NBEA: variants seen among roughly 807,000 people sequenced by gnomAD.
NBEA encodes the protein neurobeachin.
A neutral mutation model predicts 343.4 loss-of-function variants in NBEA; 44 were observed. The ratio of observed to expected loss-of-function variants is 0.13; its 90% CI spans 0.10 to 0.16. NBEA has a LOEUF of 0.16. Ranked by LOEUF, NBEA falls within the 10% of genes least tolerant of loss-of-function variation. The probability of loss-of-function intolerance (pLI) is 1.00; values close to 1 mark genes in which losing one functional copy is unlikely to be tolerated. For synonymous variants in NBEA, 1,175 were observed against 1,238.7 expected, an observed-to-expected ratio of 0.95 and a Z score of 1.08; for missense variants, 2,555 against 3,631.3, an observed-to-expected ratio of 0.70 and a Z score of 7.62.
At chr13:35,301,279 G>A (rs182885944) in intron 35 of NBEA, among the ~76,000 whole-genome samples, 63 of 151,690 alleles carry the variant, frequency 4.2e-4, no homozygotes, top group African/African-American at 1.4e-3. Context: ...CTGTCAACCC[G>A]TCATCTAGGT....
At chr13:35,444,381 A>C (rs897681990) in intron 39 of NBEA, among the ~76,000 whole-genome samples, 1 of 152,054 alleles carries the variant, frequency 6.6e-6, no homozygotes, top group African/African-American at 2.4e-5. Flanking sequence ...AATGAGAAAA[A>C]GTAATCTTTA....
chr13:35,042,061 A>C (rs1239569912), intron 2 of NBEA, among the ~76,000 whole-genome samples: 1 of 151,966 alleles, frequency 6.6e-6, no homozygotes, highest in Admixed American at 6.6e-5. Flanking sequence ...ATTTTGGCTT[A>C]TGCATTTCAT....
chr13:35,212,102 C>G (rs779080263), intron 33 of NBEA, among the ~76,000 whole-genome samples: 4 of 152,042 alleles, frequency 2.6e-5, no homozygotes, highest in African/African-American at 4.8e-5. Context: ...TGAACACACT[C>G]ATCATCAACA....
intron 1 of NBEA, among the ~76,000 whole-genome samples, chr13:34,998,892 TG>T (rs2061028222): frequency 6.6e-6 from 1 of 152,158 alleles, no homozygotes; most frequent in Middle Eastern, 3.2e-3. Flanking sequence ...GGGTATTGAT[TG>T]GGGAAGTGAT....
At position 34,943,028 on chromosome 13, in the gene NBEA, A is replaced by G. The variant is rs1412609003; in HGVS notation, c.208A>G (p.Ile70Val). ...MINPSVPIRN[I>V]RMKFAVLIGL... ...TAACCCTTCGGTGCCGATCCGCAAC[A>G]TCCGGATGAAATTCGCAGTGTTGAT... The change falls in exon 1 of 59, where the codon ATC (isoleucine) becomes GTC (valine). Residue 70 changes from isoleucine (I) to valine (V), a missense_variant. By Grantham distance (29) the Ile-to-Val change is conservative. Coordinates refer to ENST00000379939, the MANE Select transcript of NBEA (RefSeq NM_001385012.1). 6 of 1,612,852 alleles carry G rather than the reference A, an allele frequency of 3.7e-6. No individual in the cohort carries two copies. The highest frequency in any genetic ancestry group is 5.1e-6 in the Non-Finnish European group (6 of 1,179,500).
chr13:35,462,160 G>A (rs7332996), intron 40 of NBEA, among the ~76,000 whole-genome samples: 41,373 of 152,018 alleles, frequency 0.27, 6,124 homozygotes, highest in African/African-American at 0.37. Flanking sequence ...ATAAGTATCG[G>A]ATATCAACTC....
chr13:35,286,159 T>C (rs2035410878), intron 34 of NBEA, among the ~76,000 whole-genome samples: 2 of 152,140 alleles, frequency 1.3e-5, no homozygotes. Flanking sequence ...GCTTATATTA[T>C]CTGCCCCACA....
At chr13:35,110,393 A>G (rs1365304666) in intron 12 of NBEA, among the ~76,000 whole-genome samples, 1 of 152,018 alleles carries the variant, frequency 6.6e-6, no homozygotes, top group Non-Finnish European at 1.5e-5. Context: ...TTTAGGATAT[A>G]TGACAAAAAT....
chr13:35,355,123 G>A (rs929827701), intron 38 of NBEA, among the ~76,000 whole-genome samples: 6 of 152,158 alleles, frequency 3.9e-5, no homozygotes, highest in Admixed American at 3.3e-4. Flanking sequence ...ATCCAGCTTC[G>A]ACTGCTTCTC....
At chr13:35,229,185 C>G (rs9593011) in intron 33 of NBEA, among the ~76,000 whole-genome samples, 1,633 of 152,144 alleles carry the variant, frequency 0.011, 21 homozygotes, top group African/African-American at 0.038. Context: ...CACCCGCCAC[C>G]ACACCTGGCT....
At chr13:35,109,865 A>G (rs56260112) in intron 12 of NBEA, among the ~76,000 whole-genome samples, 4,286 of 151,922 alleles carry the variant, frequency 0.028, 90 homozygotes, top group South Asian at 0.074. Context: ...TGAATTAAAT[A>G]TTTTCCAGAT....
chr13:35,159,690 C>T lies in NBEA; in HGVS notation c.3519C>T (p.Asp1173=). The change falls in exon 22 of 59, where the codon GAC becomes GAT. Residue 1173 remains aspartate (D), a synonymous_variant. Coordinates refer to ENST00000379939, the MANE Select transcript of NBEA (RefSeq NM_001385012.1). ...SSNHIIPNIQ[D]TQVHLGVSDD... is the part of the protein sequence containing the mutation. ...ATCACATTATTCCAAATATTCAGGA[C>T]ACACAAGTACATCTTGGTGTTAGTG... 6.2e-7 allele frequency: 1 copy of T among 1,612,660 alleles called. No homozygotes were observed. The highest frequency in any genetic ancestry group is 8.5e-7 in the Non-Finnish European group (1 of 1,179,348).
chr13:35,309,512 T>C lies in NBEA; in HGVS notation c.5839-16T>C, dbSNP rs1208927394. 1 of 1,550,390 alleles carries C rather than the reference T, an allele frequency of 6.4e-7. No homozygotes were observed. Among genetic ancestry groups the C allele is most frequent in the South Asian group, 1.2e-5 (1 of 83,772 alleles). On this transcript the variant is annotated splice_polypyrimidine_tract_variant and intron_variant, in intron 35 of 58. Coordinates refer to ENST00000379939, the MANE Select transcript of NBEA (RefSeq NM_001385012.1). ...GTGTTCACTTTTCTCACGTTTGTTT[T>C]GGTTTCTCCTTTTAGGAATGGCAAA...
At chr13:35,012,518 T>C (rs2061520423) in intron 1 of NBEA, among the ~76,000 whole-genome samples, 1 of 152,116 alleles carries the variant, frequency 6.6e-6, no homozygotes, top group Non-Finnish European at 1.5e-5. Context: ...GTACTTTACA[T>C]GTGGTAGAGT....
At chr13:35,290,360 C>A (rs746415504) in intron 34 of NBEA, 29 bp from the exon 35 acceptor site, 3 of 1,483,342 alleles carry the variant, frequency 2.0e-6, no homozygotes, top group East Asian at 4.6e-5. Context: ...ATTGTAATTT[C>A]ATTTTGTTTT....
intron 34 of NBEA, among the ~76,000 whole-genome samples, chr13:35,272,233 G>C (rs1263557590): frequency 6.6e-6 from 1 of 152,122 alleles, no homozygotes; most frequent in African/African-American, 2.4e-5. Flanking sequence ...TTTCAACCCA[G>C]AATCCCATAT....
intron 34 of NBEA, among the ~76,000 whole-genome samples, chr13:35,242,486 G>A (rs1046054425): frequency 1.3e-5 from 2 of 151,912 alleles, no homozygotes; most frequent in South Asian, 2.1e-4. Flanking sequence ...GGCAGAGAGC[G>A]TATTTGAAGG....
At chr13:35,534,816 C>T (rs2078449253) in intron 41 of NBEA, among the ~76,000 whole-genome samples, 2 of 152,094 alleles carry the variant, frequency 1.3e-5, no homozygotes. Flanking sequence ...TAGTACATGC[C>T]GACTGAATTT....
chr13:35,518,644 G>A (rs189784514), intron 41 of NBEA, among the ~76,000 whole-genome samples: 8 of 152,302 alleles, frequency 5.3e-5, no homozygotes, highest in Admixed American at 1.3e-4. Context: ...CTTAGGGAAA[G>A]CATACCCCCT....
Sources: allele counts gnomAD v4.1 joint callset (sites outside exome capture counted in the v4.1 genomes callset), GRCh38; gene constraint gnomAD v4.1.1; transcripts MANE v1.5; gene names NCBI Gene and HGNC (gene_info 2026-07-23, HGNC 2026-07-21).